Variants in CDH12 observed in about 807,000 individuals in gnomAD.
CDH12 encodes cadherin 12, also known as cadherin-12.
In CDH12, 41 loss-of-function variants were observed where a neutral mutation model predicts 74.1. The ratio of observed to expected loss-of-function variants is 0.55; its 90% confidence interval spans 0.43 to 0.72. The LOEUF is 0.72. Ranked by LOEUF, CDH12 falls within the 30% of genes least tolerant of loss-of-function variation. The probability of loss-of-function intolerance (pLI) is 0.00; values close to 1 mark genes in which losing one functional copy is unlikely to be tolerated. For synonymous variants in CDH12, 399 were observed against 355.0 expected (o/e 1.12, Z -1.39); for missense variants, 945 against 977.2 (o/e 0.97, Z 0.44).
chr5:22,118,960 A>G (rs1340310191), intron 4 of CDH12, among the ~76,000 whole-genome samples: 1 of 152,140 alleles, frequency 6.6e-6, no homozygotes, highest in Non-Finnish European at 1.5e-5. Flanking sequence ...TGATAATTGC[A>G]GTGAAAAAGT....
At chr5:21,905,570 A>G (rs539946477) in intron 6 of CDH12, among the ~76,000 whole-genome samples, 1 of 152,314 alleles carries the variant, frequency 6.6e-6, no homozygotes, top group Admixed American at 6.5e-5. Context: ...CTGGCCACCT[A>G]TTGAGTCCCT....
intron 2 of CDH12, among the ~76,000 whole-genome samples, chr5:22,487,621 G>T (rs1373844914): frequency 6.6e-6 from 1 of 152,144 alleles, no homozygotes; most frequent in Non-Finnish European, 1.5e-5. Flanking sequence ...TCTAGGAGCT[G>T]TAAAAATGTA....
chr5:22,057,404 C>T (rs1329305139), intron 5 of CDH12, among the ~76,000 whole-genome samples: 3 of 151,974 alleles, frequency 2.0e-5, no homozygotes, highest in African/African-American at 4.8e-5. Flanking sequence ...CAGGAACAGC[C>T]ATTAAGCAGC....
chr5:22,084,677 A>G (rs1336764451), intron 4 of CDH12, among the ~76,000 whole-genome samples: 1 of 152,132 alleles, frequency 6.6e-6, no homozygotes, highest in Non-Finnish European at 1.5e-5. Flanking sequence ...AGATGAACCA[A>G]TGTTATTTTC....
At chr5:22,338,339 A>C (rs1452553640) in intron 3 of CDH12, among the ~76,000 whole-genome samples, 1 of 152,144 alleles carries the variant, frequency 6.6e-6, no homozygotes, top group East Asian at 1.9e-4. Context: ...AAAATACTGC[A>C]TGTACTCACT....
intron 1 of CDH12, among the ~76,000 whole-genome samples, chr5:22,518,851 A>G (rs1736920519): frequency 6.6e-6 from 1 of 152,160 alleles, no homozygotes; most frequent in Non-Finnish European, 1.5e-5. Context: ...TGGAAACAAG[A>G]GAGAAAGTAC....
At chr5:22,002,263 A>G (rs1736650559) in intron 5 of CDH12, among the ~76,000 whole-genome samples, 1 of 152,178 alleles carries the variant, frequency 6.6e-6, no homozygotes, top group African/African-American at 2.4e-5. Context: ...TGAACTCTCT[A>G]ATAAATAATG....
chr5:22,789,092 C>A (rs1747785013), intron 1 of CDH12, among the ~76,000 whole-genome samples: 2 of 150,154 alleles, frequency 1.3e-5, no homozygotes, highest in Admixed American at 6.6e-5. Flanking sequence ...TGAAATTGGC[C>A]TAAAATAAAA....
intron 1 of CDH12, among the ~76,000 whole-genome samples, chr5:22,584,187 C>A (rs1158722579): frequency 6.6e-6 from 1 of 152,074 alleles, no homozygotes; most frequent in Non-Finnish European, 1.5e-5. Context: ...GCAACCTCCA[C>A]CTCCTGTGTT....
chr5:22,841,194 G>A lies in CDH12; in HGVS notation c.-523+11864C>T, dbSNP rs549485977. Among the ~76,000 whole-genome samples, 3 of 152,166 alleles carry A rather than the reference G, an allele frequency of 2.0e-5. No individual in the cohort carries two copies. The South Asian group carries it at 6.2e-4, about 31-fold the overall frequency. On this transcript the variant is annotated intron_variant, in intron 1 of 14. Coordinates refer to ENST00000382254, the MANE Select transcript of CDH12 (RefSeq NM_004061.5). ...CAATTACTACTACGGGAGTCATGGT[G>A]ACAAGAGAGCAACAGATGAAAATTG...
At chr5:22,721,493 A>G (rs1033833198) in intron 1 of CDH12, among the ~76,000 whole-genome samples, 6 of 152,142 alleles carry the variant, frequency 3.9e-5, no homozygotes, top group African/African-American at 9.7e-5. Context: ...TAATTTTTTT[A>G]TAGGCTTCTA....
intron 4 of CDH12, among the ~76,000 whole-genome samples, chr5:22,101,032 T>C (rs144277986): frequency 6.6e-6 from 1 of 152,158 alleles, no homozygotes; most frequent in Non-Finnish European, 1.5e-5. Flanking sequence ...GTGTTATGCA[T>C]TGAAATCACT....
chr5:22,625,690 C>T (rs902206206), intron 1 of CDH12, among the ~76,000 whole-genome samples: 1 of 152,138 alleles, frequency 6.6e-6, no homozygotes, highest in Non-Finnish European at 1.5e-5. Flanking sequence ...CTGGCCTTTC[C>T]TGGGGCCCCA....
At chr5:22,515,219 C>T (rs1736756414) in intron 1 of CDH12, among the ~76,000 whole-genome samples, 1 of 152,058 alleles carries the variant, frequency 6.6e-6, no homozygotes, top group Admixed American at 6.5e-5. Context: ...AAGACATATC[C>T]TGTCATTGAA....
chr5:22,847,058 T>C (rs1737339414), intron 1 of CDH12, among the ~76,000 whole-genome samples: 2 of 152,200 alleles, frequency 1.3e-5, no homozygotes, highest in Non-Finnish European at 2.9e-5. Flanking sequence ...TCAACAACAG[T>C]TGTTATACTG....
chr5:22,801,831 T>C (rs1343315907), intron 1 of CDH12, among the ~76,000 whole-genome samples: 1 of 151,540 alleles, frequency 6.6e-6, no homozygotes, highest in Non-Finnish European at 1.5e-5. Flanking sequence ...AATGTGCATT[T>C]ACTTTAATTC....
At chr5:21,943,513 G>T (rs1275692545) in intron 6 of CDH12, among the ~76,000 whole-genome samples, 1 of 151,978 alleles carries the variant, frequency 6.6e-6, no homozygotes, top group Non-Finnish European at 1.5e-5. Context: ...TTAAACTTTT[G>T]CTTAAACTGA....
rs1465205527 is a variant in CDH12 at position 22,654,232 on chromosome 5, C to G, written c.-522-148868G>C. 2.9e-5 allele frequency among the ~76,000 whole-genome samples: 4 copies of G among 137,476 alleles called. No homozygotes were observed. In the East Asian group the frequency reaches 8.5e-4, roughly 29 times the overall value. 90.2% of individuals were successfully genotyped at this position (137,476 alleles called of 152,430 possible). On this transcript the variant is annotated intron_variant, in intron 1 of 14. Coordinates refer to ENST00000382254, the MANE Select transcript of CDH12 (RefSeq NM_004061.5). ...TTTCTTTCTTTTTGTTTCTTTGTTT[C>G]TTTGTTTCTTTCTTTCTTTCTCTTT...
chr5:22,456,869 A>C (rs1469343647), intron 2 of CDH12, among the ~76,000 whole-genome samples: 1 of 152,136 alleles, frequency 6.6e-6, no homozygotes, highest in Non-Finnish European at 1.5e-5. Context: ...AGCTCACAAC[A>C]AAAGATCAAA....
Sources: allele counts gnomAD v4.1 joint callset (sites outside exome capture counted in the v4.1 genomes callset), GRCh38; gene constraint gnomAD v4.1.1; transcripts MANE v1.5; gene names NCBI Gene and HGNC (gene_info 2026-07-23, HGNC 2026-07-21).